Variants in GNL3L observed in about 807,000 individuals in gnomAD.
GNL3L encodes the protein G protein nucleolar 3 like.
GNL3L carries 4 observed loss-of-function variants against 42.9 expected under a neutral mutation model. The observed-to-expected ratio is 0.09, with a 90% CI of 0.05 to 0.21. The LOEUF is 0.21. Ranked by LOEUF, GNL3L falls within the 10% of genes least tolerant of loss-of-function variation. GNL3L has a pLI of 1.00. For missense variants in GNL3L, 412 were observed against 481.7 expected, an observed-to-expected ratio of 0.86 and a Z score of 1.36; for synonymous variants, 159 against 176.3, an observed-to-expected ratio of 0.90 and a Z score of 0.78.
chrX:54,574,743 G>T (rs771377463), intron 16 of GNL3L, among the ~76,000 whole-genome samples: 8 of 112,223 alleles, frequency 7.1e-5, no homozygotes, highest in African/African-American at 2.3e-4. Context: ...AGCAAAGCAA[G>T]CTGGGCTTGG....
the GNL3L span, among the ~76,000 whole-genome samples, chrX:54,633,978 G>A: frequency 8.9e-6 from 1 of 112,592 alleles, no homozygotes; most frequent in African/African-American, 3.2e-5. Flanking sequence ...TTTCTGGTGC[G>A]AAATCAACTG....
intron 1 of GNL3L, among the ~76,000 whole-genome samples, chrX:54,530,721 A>T (rs1194850911): frequency 8.9e-6 from 1 of 111,819 alleles, no homozygotes; most frequent in Non-Finnish European, 1.9e-5. Flanking sequence ...CCGTGTAGAG[A>T]CATCTCCCTC....
chrX:54,617,250 T>C (rs1010998213), intron 16 of GNL3L, among the ~76,000 whole-genome samples: 14 of 111,873 alleles, frequency 1.3e-4, no homozygotes, highest in African/African-American at 3.2e-5. Context: ...TATTTTTCCA[T>C]TGGAAAAAGG....
chrX:54,544,406 G>A lies in GNL3L; in HGVS notation c.630+80G>A, dbSNP rs1184877999. On this transcript the variant is annotated intron_variant, in intron 8 of 15. Coordinates refer to ENST00000360845, the MANE Select transcript of GNL3L (RefSeq NM_001184819.2). ...CTGGGAGGGTCGTGACTTGGACTGG[G>A]ACCTCCAGCCCTTTAGTAATTGAAC... The A allele has an allele frequency of 2.0e-5, 10 of 502,280 alleles. No individual in the cohort carries two copies. In the East Asian group the frequency reaches 3.0e-4, roughly 15 times the overall value. The allele number at this position is 502,280 out of a possible 1,213,427, so 41.4% of individuals were successfully genotyped here. A position where few individuals can be genotyped will look rare whatever the true frequency, so the allele number is the denominator to read the frequency against.
At position 54,539,010 on chromosome X, in the gene GNL3L, G is replaced by A. The variant is rs200625255; in HGVS notation, c.20-30G>A. On this transcript the variant is annotated intron_variant, in intron 2 of 15. Coordinates refer to ENST00000360845, the MANE Select transcript of GNL3L (RefSeq NM_001184819.2). ...ACAAATATCGTGTAGATGGATGACG[G>A]CTCTTTTCTTTCTTTTTTTTCTTTT... The A allele has an allele frequency of 6.8e-5, 63 of 931,860 alleles. 2 individuals are homozygous for A. In the South Asian group the frequency reaches 1.1e-3, roughly 16 times the overall value. 76.8% of individuals were successfully genotyped at this position (931,860 alleles called of 1,213,427 possible).
chrX:54,564,402 CTT>C lies in GNL3L; in HGVS notation c.*3819_*3820del, dbSNP rs567172499. Among the ~76,000 whole-genome samples the C allele has an allele frequency of 8.7e-5, 7 of 80,789 alleles. No individual in the cohort carries two copies. The South Asian group carries it at 2.6e-3, about 30-fold the overall frequency. The allele number at this position is 80,789 out of a possible 115,157, so 70.2% of individuals were successfully genotyped here. On this transcript the variant is annotated 3_prime_UTR_variant, in exon 16 of 16. Coordinates refer to ENST00000360845, the MANE Select transcript of GNL3L (RefSeq NM_001184819.2). ...AGTCACTGGTTTTTTTCTTCGTTCT[CTT>C]TTTTTTTTTTTTTTTTTTGAGACAG...
chrX:54,610,500 C>A (rs890569261), intron 16 of GNL3L, among the ~76,000 whole-genome samples: 1 of 111,246 alleles, frequency 9.0e-6, no homozygotes, highest in African/African-American at 3.3e-5. Context: ...TCATAGATGG[C>A]TTTTATTACA....
rs1044731407 is a variant in GNL3L, at chrX:54,553,696, C to T, written c.1319-869C>T. ...CTGGGACTATAGGTGTGCACCACCACGCCTGGCTAATTTTTTTTATTTTTA... is the reference window on the plus strand; with the variant it reads ...CTGGGACTATAGGTGTGCACCACCATGCCTGGCTAATTTTTTTTATTTTTA... On this transcript the variant is annotated intron_variant, in intron 13 of 15. Transcript: ENST00000360845. Among the ~76,000 whole-genome samples, 8 of 111,075 alleles carry T rather than the reference C, an allele frequency of 7.2e-5. No homozygotes were observed. In the East Asian group the frequency reaches 1.4e-3, roughly 20 times the overall value.
At chrX:54,633,595 G>A in the GNL3L span, among the ~76,000 whole-genome samples, 2 of 110,808 alleles carry the variant, frequency 1.8e-5, no homozygotes, top group Non-Finnish European at 3.8e-5. Context: ...AGAGAGGGAT[G>A]GCAGGGGTGG....
chrX:54,607,504 T>C (rs909442873), intron 16 of GNL3L, among the ~76,000 whole-genome samples: 1 of 109,387 alleles, frequency 9.1e-6, no homozygotes, highest in African/African-American at 3.3e-5. Flanking sequence ...ATCAGGGAAG[T>C]TATAAGGCTG....
Position 54,558,554 on chromosome X carries a change from G to A in GNL3L, c.1565G>A (p.Arg522His), listed in dbSNP as rs918583653. ...ATGGTGGATGTCTGCTCAGTGGACC[G>A]CCGCTCAGTGCTGCAGAGGATCATG... ...NSMVDVCSVD[R>H]RSVLQRIMET... Residue 522 changes from arginine (R) to histidine (H), a missense_variant, in exon 15 of 16, where the codon CGC (arginine) becomes CAC (histidine). Arg to His is a conservative substitution (Grantham distance 29). Transcript: ENST00000360845. 4 of 1,206,775 alleles carry A rather than the reference G, an allele frequency of 3.3e-6. No homozygotes were observed. The highest frequency in any genetic ancestry group is 4.5e-6 in the Non-Finnish European group (4 of 892,879).
At chrX:54,631,059 A>G in the GNL3L span, among the ~76,000 whole-genome samples, 2 of 110,159 alleles carry the variant, frequency 1.8e-5, no homozygotes, top group East Asian at 5.7e-4. Flanking sequence ...CACCCGCCTC[A>G]GCCTTCTAAA....
In GNL3L at chrX:54,607,394, C is replaced by G. The variant is rs187679907; in HGVS notation, c.*46-13451C>G. 4.9e-3 allele frequency among the ~76,000 whole-genome samples: 518 copies of G among 104,756 alleles called. 4 individuals are homozygous for G. The highest frequency in any genetic ancestry group is 7.1e-3 in the Non-Finnish European group (363 of 51,350). 91.0% of individuals were successfully genotyped at this position (104,756 alleles called of 115,157 possible). A position where few individuals can be genotyped will look rare whatever the true frequency, so the allele number is the denominator to read the frequency against. On this transcript the variant is annotated intron_variant, in intron 16 of 16. Coordinates refer to the GNL3L transcript ENST00000674498. ...GAAAGAAAAAATTTCCCTATTGTAG[C>G]AATGGGGCACACCTAGGACCCAGAT...
At chrX:54,625,936 T>C (rs1254805132), downstream of GNL3L, among the ~76,000 whole-genome samples, 1 of 111,430 alleles carries the variant, frequency 9.0e-6, no homozygotes, top group Non-Finnish European at 1.9e-5. Flanking sequence ...TACATATTTA[T>C]GGGATACAGA....
At chrX:54,628,243 G>GTGTGTGTGTA in the GNL3L span, among the ~76,000 whole-genome samples, 8 of 102,789 alleles carry the variant, frequency 7.8e-5, no homozygotes, top group Non-Finnish European at 1.2e-4. Flanking sequence ...GTGTGTGTGT[G>GTGTGTGTGTA]TGTGTGTGTA....
At chrX:54,606,208 C>T (rs1378722646) in intron 16 of GNL3L, among the ~76,000 whole-genome samples, 1 of 111,065 alleles carries the variant, frequency 9.0e-6, no homozygotes, top group Non-Finnish European at 1.9e-5. Flanking sequence ...CAGATAAATC[C>T]TCAAAACAAG....
intron 16 of GNL3L, among the ~76,000 whole-genome samples, chrX:54,597,855 TTGC>T (rs757079452): frequency 1.8e-5 from 2 of 110,994 alleles, no homozygotes; most frequent in Admixed American, 9.6e-5. Flanking sequence ...TGCTTCACAA[TTGC>T]TGCACTCTCC....
At chrX:54,644,791 A>AATAAT in the GNL3L span, among the ~76,000 whole-genome samples, 1 of 111,902 alleles carries the variant, frequency 8.9e-6, no homozygotes, top group Non-Finnish European at 1.9e-5. Flanking sequence ...TGAAAGTAAA[A>AATAAT]ATAATATAAA....
intron 16 of GNL3L, among the ~76,000 whole-genome samples, chrX:54,582,554 G>T (rs1311951447): frequency 1.8e-5 from 2 of 111,961 alleles, no homozygotes; most frequent in Non-Finnish European, 3.8e-5. Context: ...TCGATGTGTA[G>T]TGATACTTCA....
Sources: gnomAD v4.1 joint callset for allele counts (sites outside exome capture counted in the v4.1 genomes callset) on GRCh38, gnomAD v4.1.1 for gene constraint, MANE v1.5 for transcripts, NCBI Gene and HGNC (gene_info 2026-07-23, HGNC 2026-07-21) for gene names.